BNC2: variants seen among roughly 807,000 people sequenced by gnomAD.
BNC2 encodes zinc finger protein basonuclin-2.
A neutral mutation model predicts 76.3 loss-of-function variants in BNC2; 20 were observed. The ratio of observed to expected loss-of-function variants is 0.26; its 90% CI spans 0.18 to 0.38. The LOEUF (loss-of-function observed/expected upper bound fraction) is 0.38, where lower values mean the gene tolerates loss of function less well. Ranked by LOEUF, BNC2 falls within the 10% of genes least tolerant of loss-of-function variation. The pLI is 1.00. For synonymous variants in BNC2, 582 were observed against 514.8 expected (o/e 1.13, Z -1.77); for missense variants, 1,382 against 1,399.8 (o/e 0.99, Z 0.20).
At chr9:16,756,814 T>C (rs1563929132) in intron 1 of BNC2, among the ~76,000 whole-genome samples, 1 of 151,798 alleles carries the variant, frequency 6.6e-6, no homozygotes, top group Non-Finnish European at 1.5e-5. Context: ...ACAGTGAAAC[T>C]CTGTCTCTAC....
chr9:16,806,951 T>C (rs1215386847), intron 1 of BNC2, among the ~76,000 whole-genome samples: 1 of 152,216 alleles, frequency 6.6e-6, no homozygotes, highest in Admixed American at 6.5e-5. Flanking sequence ...CTCACTAGGC[T>C]TTATAGTAGA....
intron 5 of BNC2, among the ~76,000 whole-genome samples, chr9:16,530,384 A>C (rs1010328680): frequency 1.3e-5 from 2 of 152,146 alleles, no homozygotes; most frequent in Admixed American, 1.3e-4. Flanking sequence ...TCCAGAAATC[A>C]CTGTACATTT....
chr9:16,587,835 C>A (rs1372053362), intron 3 of BNC2, among the ~76,000 whole-genome samples: 5 of 152,154 alleles, frequency 3.3e-5, no homozygotes, highest in Non-Finnish European at 5.9e-5. Context: ...GTTCAAGTAC[C>A]ACTCATTTCC....
At chr9:16,665,228 G>C (rs1166771221) in intron 3 of BNC2, 1 of 377,068 alleles carries the variant, frequency 2.7e-6, no homozygotes, top group African/African-American at 2.1e-5. Flanking sequence ...AAATTAGCCA[G>C]GCATGGTGGT....
At chr9:16,820,531 C>G (rs1277554947) in intron 1 of BNC2, among the ~76,000 whole-genome samples, 1 of 152,132 alleles carries the variant, frequency 6.6e-6, no homozygotes. Context: ...GTTTATTCAG[C>G]TCCACAACCA....
chr9:16,769,140 T>C (rs990941814), intron 1 of BNC2, among the ~76,000 whole-genome samples: 5 of 152,206 alleles, frequency 3.3e-5, no homozygotes, highest in African/African-American at 1.2e-4. Flanking sequence ...CAGCTTAAAC[T>C]TGAAGTCAAA....
At chr9:16,623,569 A>T (rs1327258171) in intron 3 of BNC2, among the ~76,000 whole-genome samples, 1 of 152,212 alleles carries the variant, frequency 6.6e-6, no homozygotes, top group Non-Finnish European at 1.5e-5. Flanking sequence ...CTATTTAAAA[A>T]TTTCAAGTTA....
chr9:16,461,610 G>T (rs1177553101), intron 5 of BNC2, among the ~76,000 whole-genome samples: 3 of 151,676 alleles, frequency 2.0e-5, no homozygotes, highest in African/African-American at 7.3e-5. Flanking sequence ...GGGTGGCGGG[G>T]GGAGTTTGTA....
intron 3 of BNC2, among the ~76,000 whole-genome samples, chr9:16,708,429 G>A (rs963660549): frequency 5.9e-5 from 9 of 152,174 alleles, no homozygotes; most frequent in African/African-American, 2.2e-4. Context: ...ATTTGGAGTC[G>A]AGAGATTGGC....
At chr9:16,832,472 T>G (rs564180235) in intron 1 of BNC2, 2 of 178,848 alleles carry the variant, frequency 1.1e-5, no homozygotes, top group African/African-American at 4.8e-5. Flanking sequence ...GTGTAGGCAA[T>G]AGATGACATT....
rs563504708 is a variant in BNC2, at chr9:16,419,601, G to C, written c.2688C>G (p.Leu896=). ...GCGACGAGTCCAGGCCCATGTCATC[G>C]AGTTCTTTGGTCAACAGTTTACGAT... The part of the protein sequence containing the change: ...NLHRKLLTKE[L]DDMGLDSSQP... Residue 896 remains leucine (L), a synonymous_variant, in exon 7 of 7, where the codon CTC becomes CTG. Coordinates refer to ENST00000380672, the MANE Select transcript of BNC2 (RefSeq NM_017637.6). 1 of 1,601,408 alleles carries C rather than the reference G, an allele frequency of 6.2e-7. No homozygotes were observed. The highest frequency in any genetic ancestry group is 2.3e-5 in the East Asian group (1 of 44,134).
At chr9:16,838,608 G>T (rs1818759323) in intron 1 of BNC2, among the ~76,000 whole-genome samples, 1 of 152,122 alleles carries the variant, frequency 6.6e-6, no homozygotes, top group Admixed American at 6.6e-5. Context: ...TAGTTCTGTG[G>T]ATGTCACTGT....
intron 5 of BNC2, chr9:16,473,194 T>C (rs555750277): frequency 2.0e-5 from 3 of 152,196 alleles, no homozygotes; most frequent in African/African-American, 7.2e-5. Context: ...AAGAAACTAT[T>C]TTAATTAGCA....
chr9:16,768,016 AGTGAAGTGG>A (rs1369326239), intron 1 of BNC2, among the ~76,000 whole-genome samples: 2 of 147,278 alleles, frequency 1.4e-5, no homozygotes, highest in African/African-American at 5.1e-5. Flanking sequence ...CCCAGGCTGG[AGTGAAGTGG>A]CACAATCTTG....
At chr9:16,708,593 G>C (rs1256372567) in intron 3 of BNC2, among the ~76,000 whole-genome samples, 1 of 152,132 alleles carries the variant, frequency 6.6e-6, no homozygotes, top group Non-Finnish European at 1.5e-5. Flanking sequence ...AAAGCAAAGA[G>C]ATGGTGTGGG....
chr9:16,551,306 C>A (rs1022503076), intron 5 of BNC2, among the ~76,000 whole-genome samples: 1 of 152,196 alleles, frequency 6.6e-6, no homozygotes, highest in Admixed American at 6.5e-5. Context: ...CTTCTACTTT[C>A]TATCCTTCCA....
At chr9:16,479,376 C>T (rs1230512306) in intron 5 of BNC2, among the ~76,000 whole-genome samples, 1 of 152,126 alleles carries the variant, frequency 6.6e-6, no homozygotes, top group Non-Finnish European at 1.5e-5. Flanking sequence ...TTTCAGACCA[C>T]TTCAACTGCT....
chr9:16,793,860 G>GTTTTT lies in BNC2; in HGVS notation c.4-55380_4-55376dup, dbSNP rs377349585. Among the ~76,000 whole-genome samples the GTTTTT allele has an allele frequency of 1.3e-3, 124 of 97,262 alleles. 30 individuals are homozygous for GTTTTT. The highest frequency in any genetic ancestry group is 1.6e-3 in the African/African-American group (41 of 25,536). 63.8% of individuals were successfully genotyped at this position (97,262 alleles called of 152,430 possible). A position where few individuals can be genotyped will look rare whatever the true frequency, so the allele number is the denominator to read the frequency against. The stretch of plus-strand genomic sequence containing the variant: ...CTAGTTTTTGTTTTTTGTGGTTTTT[G>GTTTTT]TTTTTTTGTTTTTTTTTTTTTTTAG... On this transcript the variant is annotated intron_variant, in intron 1 of 6. Coordinates refer to ENST00000380672, the MANE Select transcript of BNC2 (RefSeq NM_017637.6).
intron 3 of BNC2, among the ~76,000 whole-genome samples, chr9:16,703,505 T>A (rs200450082): frequency 1.3e-4 from 4 of 31,772 alleles, no homozygotes; most frequent in South Asian, 9.0e-4. Flanking sequence ...AAGAAAAAAA[T>A]ATCTAATGAA....
Sources: allele counts gnomAD v4.1 joint callset (sites outside exome capture counted in the v4.1 genomes callset), GRCh38; gene constraint gnomAD v4.1.1; transcripts MANE v1.5; gene names NCBI Gene and HGNC (gene_info 2026-07-23, HGNC 2026-07-21).